Variants in GTPBP1 observed in about 807,000 individuals in gnomAD.
The protein encoded by GTPBP1 is GTP-binding protein 1.
In GTPBP1, 23 loss-of-function variants were observed where a neutral mutation model predicts 62.0. The observed-to-expected ratio is 0.37, with a 90% CI of 0.27 to 0.53. The LOEUF is 0.53. Among genes scored for constraint, GTPBP1 ranks in the 20% least tolerant of loss-of-function variants. The pLI is 0.89. For synonymous variants in GTPBP1, 344 were observed against 364.4 expected, an observed-to-expected ratio of 0.94 and a Z score of 0.64; for missense variants, 640 against 917.3, an observed-to-expected ratio of 0.70 and a Z score of 3.90.
downstream of GTPBP1, chr22:38,736,374 T>C: frequency 1.9e-6 from 3 of 1,613,080 alleles, no homozygotes; most frequent in Non-Finnish European, 2.5e-6. Flanking sequence ...GTGGCCATCG[T>C]AGGGGCCTGG....
rs1244836100 is a variant in GTPBP1, at chr22:38,715,232, GCCTAC to G, written c.305-674_305-670del. ...CTGATCATGTTACTCCCCTGCCTCA[GCCTAC>G]GGGTGTCTCAATGCCTGGTGCAGAA... On this transcript the variant is annotated intron_variant, in intron 2 of 11. Coordinates refer to ENST00000216044, the MANE Select transcript of GTPBP1 (RefSeq NM_004286.5). Among the ~76,000 whole-genome samples the G allele has an allele frequency of 2.0e-5, 3 of 152,158 alleles. No homozygotes were observed. In the East Asian group the frequency reaches 5.8e-4, roughly 29 times the overall value.
intron 1 of GTPBP1, 59 bp from the exon 2 acceptor site, chr22:38,708,786 C>T: frequency 1.1e-6 from 1 of 941,694 alleles, no homozygotes. Context: ...TATTGATCAG[C>T]TTTGGCTGTG....
chr22:38,710,308 A>C (rs901673936), intron 2 of GTPBP1, among the ~76,000 whole-genome samples: 5 of 152,190 alleles, frequency 3.3e-5, no homozygotes, highest in Non-Finnish European at 7.3e-5. Context: ...TTAAAATCTG[A>C]TCCCTGCCCC....
chr22:38,709,511 C>T (rs528109285), intron 2 of GTPBP1, among the ~76,000 whole-genome samples: 1 of 152,228 alleles, frequency 6.6e-6, no homozygotes, highest in African/African-American at 2.4e-5. Flanking sequence ...TCTCTATTTG[C>T]ATAAGAGGAA....
chr22:38,709,107 A>T (rs1449413341), intron 2 of GTPBP1, 151 bp downstream of exon 2: 1 of 522,608 alleles, frequency 1.9e-6, no homozygotes, highest in Admixed American at 3.1e-5. Flanking sequence ...ACATGGTGAA[A>T]CCCCATCTCT....
chr22:38,715,133 C>G (rs2092662278), intron 2 of GTPBP1, among the ~76,000 whole-genome samples: 1 of 152,196 alleles, frequency 6.6e-6, no homozygotes, highest in African/African-American at 2.4e-5. Context: ...ACTGGACTCC[C>G]CCCTTACTGG....
At position 38,728,072 on chromosome 22, in the gene GTPBP1, C is replaced by A; in HGVS notation, c.1627C>A (p.Arg543Ser). 1.9e-6 allele frequency: 3 copies of A among 1,612,754 alleles called. No homozygotes were observed. The highest frequency in any genetic ancestry group is 2.5e-6 in the Non-Finnish European group (3 of 1,178,754). Residue 543 changes from arginine (R) to serine (S), a missense_variant, in exon 10 of 12, where the codon CGC becomes AGC. Arg to Ser is a moderately radical substitution (Grantham distance 110). Coordinates refer to ENST00000216044, the MANE Select transcript of GTPBP1 (RefSeq NM_004286.5). The stretch of plus-strand genomic sequence containing the variant: ...TGGGGACAAGGCCACTGTACACTTC[C>A]GCTTCATCAAGACCCCTGAGTACCT... The part of the protein sequence containing the change: ...RTGDKATVHF[R>S]FIKTPEYLHI...
intron 5 of GTPBP1, chr22:38,723,299 G>A: frequency 2.3e-6 from 2 of 867,580 alleles, no homozygotes; most frequent in Admixed American, 3.4e-5. Flanking sequence ...AAAATAGGGT[G>A]CATGCTGGGC....
At chr22:38,709,806 A>C (rs1415027735) in intron 2 of GTPBP1, among the ~76,000 whole-genome samples, 1 of 152,140 alleles carries the variant, frequency 6.6e-6, no homozygotes, top group Non-Finnish European at 1.5e-5. Context: ...CTCTCTCCCC[A>C]CTGGATCCTG....
chr22:38,734,591 T>C (rs1569290127), downstream of GTPBP1: 1 of 245,596 alleles, frequency 4.1e-6, no homozygotes. Flanking sequence ...ACAACTGGGC[T>C]TTAGCTGAAA....
At chr22:38,714,805 G>T (rs991482317) in intron 2 of GTPBP1, among the ~76,000 whole-genome samples, 18 of 152,250 alleles carry the variant, frequency 1.2e-4, no homozygotes, top group African/African-American at 4.3e-4. Context: ...AGGAGCAGGG[G>T]TGCTCTCAGA....
At chr22:38,706,875 C>T (rs2092608222) in intron 1 of GTPBP1, 1 of 152,214 alleles carries the variant, frequency 6.6e-6, no homozygotes, top group Non-Finnish European at 1.5e-5. Context: ...GAATTAAGGC[C>T]TCGCCAACGG....
downstream of GTPBP1, chr22:38,742,512 C>T (rs1046737269): frequency 2.2e-5 from 36 of 1,613,174 alleles, no homozygotes; most frequent in Non-Finnish European, 2.9e-5. Context: ...AGCTTCCAGA[C>T]GCCGCTCCAG....
At chr22:38,722,711 G>T in intron 5 of GTPBP1, 18 of 1,598,848 alleles carry the variant, frequency 1.1e-5, no homozygotes, top group Non-Finnish European at 1.4e-5. Flanking sequence ...TCTTCTCTGG[G>T]GTGAGAAGGT....
intron 4 of GTPBP1, among the ~76,000 whole-genome samples, chr22:38,721,404 C>T (rs1194227353): frequency 6.6e-6 from 1 of 151,840 alleles, no homozygotes; most frequent in Non-Finnish European, 1.5e-5. Flanking sequence ...TTTGTAGAGA[C>T]GGAGGTCTTA....
Position 38,716,704 on chromosome 22 carries a change from C to G in GTPBP1, c.538C>G (p.Leu180Val). Residue 180 changes from leucine to valine, a missense_variant, in exon 4 of 12, where the codon CTG becomes GTG. By Grantham distance (32) the Leu-to-Val change is conservative. Around this residue, in one of 4 missense-constraint regions of GTPBP1, gnomAD observed 88 missense variants for 217.0 expected, o/e 0.41. Transcript: ENST00000216044. The surrounding 1 kb of genome is among the most constrained non-coding windows in gnomAD (Gnocchi z 5.2). ...TGGCAAAAGCACGCTTCTGGGGGTC[C>G]TGACACATGGGGAGCTGGACAATGG... ...DAGKSTLLGV[L>V]THGELDNGRG... The G allele has an allele frequency of 6.2e-7, 1 of 1,614,140 alleles. No individual in the cohort carries two copies. The highest frequency in any genetic ancestry group is 1.1e-5 in the South Asian group (1 of 91,082).
rs569142971 is a variant in GTPBP1 at position 38,709,673 on chromosome 22, G to A, written c.304+717G>A. ...GCGACTTATTTTCTGCTTAGCAGAG[G>A]ACCTCCGTGATTCTTCTTGGTGTCA... On this transcript the variant is annotated intron_variant, in intron 2 of 11. Transcript: ENST00000216044. 1.2e-4 allele frequency among the ~76,000 whole-genome samples: 18 copies of A among 152,256 alleles called. No individual in the cohort carries two copies. The South Asian group carries it at 3.7e-3, about 32-fold the overall frequency.
At chr22:38,742,590 A>T, downstream of GTPBP1, 2 of 1,583,214 alleles carry the variant, frequency 1.3e-6, no homozygotes, top group Non-Finnish European at 8.6e-7. Flanking sequence ...GGAGTGAGGG[A>T]CCCTTGGATG....
At chr22:38,720,074 G>A (rs1490882456) in intron 4 of GTPBP1, among the ~76,000 whole-genome samples, 3 of 149,440 alleles carry the variant, frequency 2.0e-5, no homozygotes, top group African/African-American at 4.9e-5. Context: ...GACTACAGGC[G>A]CCCGCCACGA....
Sources: gnomAD v4.1 joint callset for allele counts (sites outside exome capture counted in the v4.1 genomes callset) on GRCh38, gnomAD v4.1.1 for gene constraint, gnomAD v4.1.1 regional missense constraint, Gnocchi (gnomAD v3.1) non-coding constraint, MANE v1.5 for transcripts, NCBI Gene and HGNC (gene_info 2026-07-23, HGNC 2026-07-21) for gene names.